Variants in MYOF observed in about 807,000 individuals in gnomAD.
MYOF encodes fer-1-like 3, myoferlin.
In MYOF, 244 loss-of-function variants were observed where a neutral mutation model predicts 284.2. That is an observed-to-expected ratio of 0.86 (90% CI 0.77 to 0.95). The LOEUF (loss-of-function observed/expected upper bound fraction) is 0.95. MYOF is among the 40% of genes least tolerant of loss of function. The pLI, the probability that MYOF is intolerant of heterozygous loss-of-function variation, is 0.00. For missense variants in MYOF, 2,496 were observed against 2,560.6 expected, an observed-to-expected ratio of 0.97 and a Z score of 0.54; for synonymous variants, 904 against 919.7, an observed-to-expected ratio of 0.98 and a Z score of 0.31.
At chr10:93,374,108 G>A (rs771145197) in intron 23 of MYOF, among the ~76,000 whole-genome samples, 2 of 152,010 alleles carry the variant, frequency 1.3e-5, no homozygotes, top group East Asian at 1.9e-4. Flanking sequence ...GAGAACATGC[G>A]GTGTTTGGTT....
At chr10:93,436,633 A>T (rs534881302) in intron 3 of MYOF, among the ~76,000 whole-genome samples, 6 of 152,304 alleles carry the variant, frequency 3.9e-5, no homozygotes, top group African/African-American at 1.4e-4. Flanking sequence ...AATACGCCCC[A>T]TGGATAAGTC....
intron 11 of MYOF, 56 bp downstream of exon 11, chr10:93,402,176 C>G (rs1002592044): frequency 6.9e-7 from 1 of 1,443,780 alleles, no homozygotes; most frequent in Non-Finnish European, 9.7e-7. Context: ...ACATGCTTAA[C>G]TCTTGGCCTT....
At chr10:93,316,497 G>A (rs1028519483) in intron 50 of MYOF, among the ~76,000 whole-genome samples, 10 of 152,154 alleles carry the variant, frequency 6.6e-5, no homozygotes, top group Non-Finnish European at 1.3e-4. Flanking sequence ...AGGAGCTGGT[G>A]CAAGACCCTC....
chr10:93,393,010 A>G, intron 16 of MYOF, 55 bp from the exon 17 acceptor site: 1 of 1,487,256 alleles, frequency 6.7e-7, no homozygotes, highest in Non-Finnish European at 9.3e-7. Flanking sequence ...ATTATAAAAC[A>G]GACATTGAAA....
intron 5 of MYOF, among the ~76,000 whole-genome samples, chr10:93,420,105 A>G (rs1166550177): frequency 6.6e-6 from 1 of 152,160 alleles, no homozygotes; most frequent in African/African-American, 2.4e-5. Flanking sequence ...AACAGAGCAA[A>G]AACTCCATTA....
intron 3 of MYOF, among the ~76,000 whole-genome samples, chr10:93,434,665 T>C (rs1484904650): frequency 6.6e-6 from 1 of 152,144 alleles, no homozygotes; most frequent in Non-Finnish European, 1.5e-5. Context: ...TTATTGTTAT[T>C]ATTTTTTTCT....
chr10:93,451,919 G>T, intron 3 of MYOF, 131 bp downstream of exon 3: 1 of 720,372 alleles, frequency 1.4e-6, no homozygotes. Flanking sequence ...AGAAGGGAGC[G>T]GGGCATGGAA....
chr10:93,334,031 G>T, intron 41 of MYOF, 118 bp from the exon 42 acceptor site: 1 of 975,698 alleles, frequency 1.0e-6, no homozygotes, highest in Non-Finnish European at 1.5e-6. Flanking sequence ...TGCCTTTTGT[G>T]AAAGAAATAA....
chr10:93,454,891 A>G (rs564374482), intron 2 of MYOF, among the ~76,000 whole-genome samples: 1 of 149,392 alleles, frequency 6.7e-6, no homozygotes, highest in Non-Finnish European at 1.5e-5. Flanking sequence ...AAGCAGGGCT[A>G]TCGCTTGGCC....
At position 93,337,197 on chromosome 10, in the gene MYOF, G is replaced by GT. The variant is rs200988383; in HGVS notation, c.4437+617dup. Among the ~76,000 whole-genome samples, 780 of 147,226 alleles carry GT rather than the reference G, an allele frequency of 5.3e-3. 10 individuals are homozygous for GT. The highest frequency in any genetic ancestry group is 0.019 in the African/African-American group (745 of 39,968). ...ATGACCAGATATTTCTCATTCTAAA[G>GT]TTTTTTTTTCTCATATACACTGTTC... On this transcript the variant is annotated intron_variant, in intron 40 of 53. Coordinates refer to ENST00000359263, the MANE Select transcript of MYOF (RefSeq NM_013451.4).
At chr10:93,474,127 T>G (rs1002156887) in intron 1 of MYOF, among the ~76,000 whole-genome samples, 53 of 152,298 alleles carry the variant, frequency 3.5e-4, no homozygotes, top group Middle Eastern at 3.4e-3. Flanking sequence ...AATCAGGTTG[T>G]TTCCTCAGTG....
intron 24 of MYOF, among the ~76,000 whole-genome samples, chr10:93,371,524 T>C (rs2133965473): frequency 6.6e-6 from 1 of 152,382 alleles, no homozygotes; most frequent in South Asian, 2.1e-4. Context: ...CTCTGCTTTC[T>C]GATTTTTTAC....
intron 3 of MYOF, among the ~76,000 whole-genome samples, chr10:93,438,729 G>A (rs2056151384): frequency 6.6e-6 from 1 of 152,072 alleles, no homozygotes; most frequent in African/African-American, 2.4e-5. Flanking sequence ...GGGAGAGGGG[G>A]GCTTGAGTGG....
At chr10:93,308,663 T>G (rs1056921556) in intron 53 of MYOF, among the ~76,000 whole-genome samples, 1 of 150,860 alleles carries the variant, frequency 6.6e-6, no homozygotes, top group Non-Finnish European at 1.5e-5. Flanking sequence ...AAACTAGAAG[T>G]ACTATACTGG....
rs371809508 is a variant in MYOF, at chr10:93,339,895, T to G, written c.4338+258A>C. Among the ~76,000 whole-genome samples the G allele has an allele frequency of 5.3e-3, 809 of 151,966 alleles. 11 individuals are homozygous for G. The highest frequency in any genetic ancestry group is 0.019 in the African/African-American group (776 of 41,508). On this transcript the variant is annotated intron_variant, in intron 39 of 53. Coordinates refer to ENST00000359263, the MANE Select transcript of MYOF (RefSeq NM_013451.4). ...GAGATCGAGACCATCCTGGCTAACA[T>G]GGTGAAACCCCGTCTCTACTAAAAA... is the stretch of plus-strand genomic sequence containing the variant.
chr10:93,390,491 T>A (rs933218270), intron 17 of MYOF, among the ~76,000 whole-genome samples: 5 of 152,228 alleles, frequency 3.3e-5, no homozygotes, highest in African/African-American at 1.2e-4. Flanking sequence ...TTTGGAAATC[T>A]CTTATGAAAC....
intron 23 of MYOF, among the ~76,000 whole-genome samples, chr10:93,374,141 T>C (rs1429199826): frequency 6.6e-6 from 1 of 152,206 alleles, no homozygotes; most frequent in Non-Finnish European, 1.5e-5. Context: ...GATAGTTTGC[T>C]GAGAATGATG....
intron 31 of MYOF, among the ~76,000 whole-genome samples, chr10:93,354,668 T>TCTCTCTCC (rs1332869628): frequency 4.9e-5 from 6 of 123,476 alleles, no homozygotes; most frequent in Middle Eastern, 3.8e-3. Flanking sequence ...ACACATTCAC[T>TCTCTCTCC]CTCTCTCTCT....
At chr10:93,469,272 A>T (rs1460950621) in intron 1 of MYOF, among the ~76,000 whole-genome samples, 1 of 151,760 alleles carries the variant, frequency 6.6e-6, no homozygotes, top group Non-Finnish European at 1.5e-5. Flanking sequence ...ATGGTGGTGC[A>T]CTCCTGTAGT....
Sources: allele counts gnomAD v4.1 joint callset (sites outside exome capture counted in the v4.1 genomes callset), GRCh38; gene constraint gnomAD v4.1.1; transcripts MANE v1.5; gene names NCBI Gene and HGNC (gene_info 2026-07-23, HGNC 2026-07-21).